Variants in OXR1 observed in about 807,000 individuals in gnomAD.
OXR1 encodes the protein oxidation resistance 1, also known as oxidation resistance protein 1.
OXR1 carries 41 observed loss-of-function variants against 104.6 expected under a neutral mutation model. The ratio of observed to expected loss-of-function variants is 0.39; its 90% CI spans 0.31 to 0.51. The LOEUF is 0.51. Among genes scored for constraint, OXR1 ranks in the 20% least tolerant of loss-of-function variants. The pLI, the probability that OXR1 is intolerant of heterozygous loss-of-function variation, is 0.77. For synonymous variants in OXR1, 348 were observed against 348.4 expected, an observed-to-expected ratio of 1.00 and a Z score of 0.01; for missense variants, 955 against 1,031.9, an observed-to-expected ratio of 0.93 and a Z score of 1.02.
intron 11 of OXR1, among the ~76,000 whole-genome samples, chr8:106,719,003 T>A (rs1832578311): frequency 1.3e-5 from 2 of 152,150 alleles, no homozygotes; most frequent in Admixed American, 6.5e-5. Context: ...AAAAGAAATA[T>A]GCATTATGAG....
chr8:106,702,819 C>A, intron 7 of OXR1, 87 bp from the exon 8 acceptor site: 2 of 1,015,286 alleles, frequency 2.0e-6, no homozygotes, highest in Non-Finnish European at 2.9e-6. Context: ...TATGGCCTAA[C>A]ATCAGAAGAA....
chr8:106,618,258 A>G, intron 3 of OXR1: 1 of 1,152,786 alleles, frequency 8.7e-7, no homozygotes, highest in Non-Finnish European at 1.3e-6. Context: ...ATTAAAGGGC[A>G]CACTTTATGT....
chr8:106,271,356 G>C (rs916633977), intron 1 of OXR1, among the ~76,000 whole-genome samples: 4 of 152,072 alleles, frequency 2.6e-5, no homozygotes, highest in African/African-American at 9.7e-5. Context: ...GAGCTGCTCG[G>C]GCTTCCGTTC....
chr8:106,512,763 G>C (rs534221264), intron 2 of OXR1, among the ~76,000 whole-genome samples: 1 of 151,910 alleles, frequency 6.6e-6, no homozygotes, highest in African/African-American at 2.4e-5. Context: ...GGAGATAGTA[G>C]GAAAGAGAAA....
intron 1 of OXR1, among the ~76,000 whole-genome samples, chr8:106,280,127 T>C (rs1031748247): frequency 6.6e-6 from 1 of 152,206 alleles, no homozygotes; most frequent in Non-Finnish European, 1.5e-5. Context: ...GCAGGCACAT[T>C]AGACTGATGT....
rs142193424 is a variant in OXR1, at chr8:106,550,058, T to G, written c.220+30919T>G. The stretch of plus-strand genomic sequence containing the variant: ...AGCAATCCTGTGAGGCAGATGCTAT[T>G]GTAATTCCTATGCCACATATGAGAA... On this transcript the variant is annotated intron_variant, in intron 3 of 16. Transcript: ENST00000517566. Among the ~76,000 whole-genome samples, 395 of 152,304 alleles carry G rather than the reference T, an allele frequency of 2.6e-3. 3 individuals carry two copies. Among genetic ancestry groups the G allele is most frequent in the Non-Finnish European group, 4.2e-3 (284 of 68,026 alleles).
At chr8:106,461,349 A>G (rs1207071573) in intron 2 of OXR1, among the ~76,000 whole-genome samples, 1 of 152,082 alleles carries the variant, frequency 6.6e-6, no homozygotes, top group African/African-American at 2.4e-5. Context: ...AGGTAGGTGG[A>G]TCACTTGAGG....
chr8:106,709,976 C>G (rs1035657924), intron 9 of OXR1, among the ~76,000 whole-genome samples: 12 of 152,072 alleles, frequency 7.9e-5, no homozygotes, highest in Non-Finnish European at 1.8e-4. Flanking sequence ...GTGCTATTTC[C>G]TCCAGTGTGC....
Position 106,467,182 on chromosome 8 carries a change from C to A in OXR1, c.24-51761C>A, listed in dbSNP as rs140357548. 1.5e-4 allele frequency among the ~76,000 whole-genome samples: 23 copies of A among 152,006 alleles called. No homozygotes were observed. In the East Asian group the frequency reaches 4.5e-3, roughly 30 times the overall value. On this transcript the variant is annotated intron_variant, in intron 2 of 16. Coordinates refer to ENST00000517566, the MANE Select transcript of OXR1 (RefSeq NM_001198533.2). ...ACCAAGACGTCTCAAGGTCAGGTCA[C>A]CAGCTGAAATCCACTTTTCACTTAC...
chr8:106,365,337 T>G (rs7009045), intron 2 of OXR1, among the ~76,000 whole-genome samples: 50,148 of 151,246 alleles, frequency 0.33, 8,674 homozygotes, highest in South Asian at 0.45. Flanking sequence ...ATCTTCCTGT[T>G]AAGTGGAAAT....
intron 2 of OXR1, among the ~76,000 whole-genome samples, chr8:106,377,358 A>T (rs1414620575): frequency 6.6e-6 from 1 of 152,052 alleles, no homozygotes; most frequent in Non-Finnish European, 1.5e-5. Context: ...ATTTAAAAAA[A>T]AAAAATTTAT....
intron 2 of OXR1, among the ~76,000 whole-genome samples, chr8:106,391,866 G>A (rs1817598328): frequency 6.6e-6 from 1 of 152,148 alleles, no homozygotes; most frequent in African/African-American, 2.4e-5. Flanking sequence ...TAATCCAGAA[G>A]TACCAATCAA....
At chr8:106,597,157 C>T (rs972228157) in intron 3 of OXR1, among the ~76,000 whole-genome samples, 1 of 152,150 alleles carries the variant, frequency 6.6e-6, no homozygotes, top group African/African-American at 2.4e-5. Context: ...GTTTATGTCT[C>T]CCCAAAATTC....
intron 1 of OXR1, among the ~76,000 whole-genome samples, chr8:106,301,165 G>A (rs899140688): frequency 5.9e-5 from 9 of 152,196 alleles, no homozygotes; most frequent in Non-Finnish European, 1.3e-4. Context: ...AACAGTGAAT[G>A]CATTACCTGG....
At chr8:106,292,066 A>G (rs59544655) in intron 1 of OXR1, among the ~76,000 whole-genome samples, 33,461 of 152,080 alleles carry the variant, frequency 0.22, 5,466 homozygotes, top group African/African-American at 0.46. Flanking sequence ...CTGTGGCCCA[A>G]CTGGGGTGTG....
At chr8:106,480,787 A>G (rs1297120065) in intron 2 of OXR1, among the ~76,000 whole-genome samples, 1 of 152,006 alleles carries the variant, frequency 6.6e-6, no homozygotes. Flanking sequence ...AATAAAAAAT[A>G]CCTGCCTTGC....
chr8:106,391,970 A>G (rs1817601323), intron 2 of OXR1, among the ~76,000 whole-genome samples: 2 of 152,188 alleles, frequency 1.3e-5, no homozygotes, highest in Admixed American at 6.5e-5. Context: ...TCTGTCCTAA[A>G]GACCTCTCAT....
intron 1 of OXR1, among the ~76,000 whole-genome samples, chr8:106,295,537 G>T (rs1812958508): frequency 6.6e-6 from 1 of 151,942 alleles, no homozygotes; most frequent in Admixed American, 6.6e-5. Context: ...TAAGATTTGA[G>T]GTGCTGGGAT....
chr8:106,566,868 G>C (rs1393098470), intron 3 of OXR1, among the ~76,000 whole-genome samples: 1 of 152,186 alleles, frequency 6.6e-6, no homozygotes, highest in African/African-American at 2.4e-5. Context: ...CACAGGAACA[G>C]AAAATCAAAC....
Sources: gnomAD v4.1 joint callset for allele counts (sites outside exome capture counted in the v4.1 genomes callset) on GRCh38, gnomAD v4.1.1 for gene constraint, MANE v1.5 for transcripts, NCBI Gene and HGNC (gene_info 2026-07-23, HGNC 2026-07-21) for gene names.